EYS: variants seen among roughly 807,000 people sequenced by gnomAD.
EYS encodes protein eyes shut homolog.
In EYS, 250 loss-of-function variants were observed where a neutral mutation model predicts 282.1. The observed-to-expected ratio is 0.89, with a 90% CI of 0.80 to 0.98. EYS has a LOEUF of 0.98. Ranked by LOEUF, EYS falls within the 50% of genes least tolerant of loss-of-function variation. EYS has a pLI of 0.00. For missense variants in EYS, 4,016 were observed against 3,709.0 expected (o/e 1.08, Z -2.15); for synonymous variants, 1,355 against 1,282.9 (o/e 1.06, Z -1.20).
chr6:64,378,940 T>G (rs912107851), intron 29 of EYS, among the ~76,000 whole-genome samples: 7 of 152,222 alleles, frequency 4.6e-5, no homozygotes. Flanking sequence ...GCTAGTTTTG[T>G]CATATCATGC....
intron 22 of EYS, among the ~76,000 whole-genome samples, chr6:64,735,144 T>C (rs1214288799): frequency 6.6e-6 from 1 of 152,032 alleles, no homozygotes; most frequent in Non-Finnish European, 1.5e-5. Flanking sequence ...AGTGCAGCGG[T>C]GCAATCTCTG....
chr6:65,380,986 G>A (rs890762819), intron 8 of EYS, among the ~76,000 whole-genome samples: 4 of 152,190 alleles, frequency 2.6e-5, no homozygotes, highest in South Asian at 2.1e-4. Context: ...GCGAGGATGC[G>A]GAGAAATAGG....
intron 30 of EYS, among the ~76,000 whole-genome samples, chr6:64,303,402 C>T (rs989983612): frequency 6.6e-6 from 1 of 152,158 alleles, no homozygotes; most frequent in Admixed American, 6.5e-5. Flanking sequence ...GCCTGACAGG[C>T]CTGTTGCTAC....
chr6:64,479,701 CTT>C (rs779626583), intron 26 of EYS, among the ~76,000 whole-genome samples: 2 of 151,932 alleles, frequency 1.3e-5, no homozygotes, highest in Admixed American at 6.6e-5. Flanking sequence ...CTTCTCAACA[CTT>C]TTAAACAGCT....
intron 30 of EYS, among the ~76,000 whole-genome samples, chr6:64,234,278 A>G (rs1486238048): frequency 1.3e-5 from 2 of 152,090 alleles, no homozygotes; most frequent in Non-Finnish European, 2.9e-5. Flanking sequence ...TACAAAAATG[A>G]GAATATACTC....
chr6:64,589,460 A>C (rs1395914760), intron 26 of EYS, among the ~76,000 whole-genome samples: 2 of 152,112 alleles, frequency 1.3e-5, no homozygotes, highest in Non-Finnish European at 2.9e-5. Flanking sequence ...GAATTTCTTA[A>C]AATAATGAAA....
intron 11 of EYS, among the ~76,000 whole-genome samples, chr6:65,319,407 T>G (rs1234352170): frequency 6.6e-6 from 1 of 151,302 alleles, no homozygotes; most frequent in African/African-American, 2.4e-5. Flanking sequence ...TATATATTTT[T>G]AATTAAAACG....
intron 12 of EYS, among the ~76,000 whole-genome samples, chr6:65,107,295 A>AT (rs34176335): frequency 0.2 from 27,501 of 134,714 alleles, 3,030 homozygotes; most frequent in South Asian, 0.28. Flanking sequence ...TCTGGGTTGC[A>AT]TTTTTTTTTT....
At chr6:65,694,366 A>G (rs78446558) in intron 1 of EYS, among the ~76,000 whole-genome samples, 2,314 of 148,778 alleles carry the variant, frequency 0.016, 116 homozygotes, top group African/African-American at 0.053. Context: ...ATGGAGTTTA[A>G]TCATATTGCC....
At chr6:63,912,757 G>T (rs936465268) in intron 35 of EYS, among the ~76,000 whole-genome samples, 3 of 151,992 alleles carry the variant, frequency 2.0e-5, no homozygotes, top group African/African-American at 7.3e-5. Flanking sequence ...AGATCTGGTC[G>T]TTTAGAAGTG....
At chr6:63,996,441 T>C (rs913976281) in intron 34 of EYS, among the ~76,000 whole-genome samples, 1 of 152,100 alleles carries the variant, frequency 6.6e-6, no homozygotes, top group African/African-American at 2.4e-5. Flanking sequence ...TAATTAACTG[T>C]ACACATAAAA....
At chr6:64,095,221 G>T (rs1266223975) in intron 31 of EYS, among the ~76,000 whole-genome samples, 1 of 152,198 alleles carries the variant, frequency 6.6e-6, no homozygotes, top group African/African-American at 2.4e-5. Flanking sequence ...TGAAAAGAAT[G>T]TATATTCTGT....
chr6:64,807,737 A>T (rs1389471904), intron 22 of EYS, among the ~76,000 whole-genome samples: 1 of 152,114 alleles, frequency 6.6e-6, no homozygotes, highest in Non-Finnish European at 1.5e-5. Context: ...TCTATAAATC[A>T]CCTGAAGTAT....
intron 4 of EYS, chr6:65,491,650 G>T (rs1766048861): frequency 6.3e-5 from 25 of 395,118 alleles, no homozygotes; most frequent in Middle Eastern, 4.8e-4. Context: ...GTTTCAAAAG[G>T]TTCTCCAAAC....
intron 41 of EYS, among the ~76,000 whole-genome samples, chr6:63,750,646 C>T (rs1436239214): frequency 2.0e-5 from 3 of 152,154 alleles, no homozygotes; most frequent in African/African-American, 7.2e-5. Flanking sequence ...ATTTCTGTCC[C>T]AAGGGAGGAG....
rs1562215367 is a variant in EYS, at chr6:64,832,348, T to TAAAAA, written c.2993-9527_2993-9526insTTTTT. ...GTTTAGTTCCTAGGTTCTGTTATGA[T>TAAAAA]TAAAATAAACACTGCATGATTCTAT... On this transcript the variant is annotated intron_variant, in intron 19 of 42. Transcript: ENST00000503581. Among the ~76,000 whole-genome samples the TAAAAA allele has an allele frequency of 1.7e-3, 254 of 151,990 alleles. 1 individual carries two copies. Among genetic ancestry groups the TAAAAA allele is most frequent in the African/African-American group, 5.9e-3 (244 of 41,518 alleles).
intron 39 of EYS, among the ~76,000 whole-genome samples, chr6:63,778,676 T>G (rs1770130136): frequency 6.6e-6 from 1 of 152,142 alleles, no homozygotes; most frequent in Non-Finnish European, 1.5e-5. Context: ...GTGTATATCT[T>G]TGTCCATTTA....
chr6:64,418,944 C>T (rs1774142270), intron 28 of EYS, among the ~76,000 whole-genome samples: 1 of 152,106 alleles, frequency 6.6e-6, no homozygotes, highest in Admixed American at 6.6e-5. Flanking sequence ...TTAATATTCA[C>T]CAGGTTTCTG....
chr6:64,348,035 T>G (rs559744356), intron 29 of EYS, among the ~76,000 whole-genome samples: 2 of 151,540 alleles, frequency 1.3e-5, no homozygotes, highest in Non-Finnish European at 3.0e-5. Flanking sequence ...TGTTTATATT[T>G]TAATATTTAA....
Sources: allele counts gnomAD v4.1 joint callset (sites outside exome capture counted in the v4.1 genomes callset), GRCh38; gene constraint gnomAD v4.1.1; transcripts MANE v1.5; gene names NCBI Gene and HGNC (gene_info 2026-07-23, HGNC 2026-07-21).